The following PWWP2A variants were observed in gnomAD, a reference collection of about 807,000 sequenced individuals.
PWWP2A encodes the protein PWWP domain-containing protein 2A.
Under a neutral mutation model 48.5 loss-of-function variants are expected in PWWP2A, and 18 were observed. The ratio of observed to expected loss-of-function variants is 0.37; its 90% CI spans 0.26 to 0.55. PWWP2A has a LOEUF of 0.55. Among genes scored for constraint, PWWP2A ranks in the 20% least tolerant of loss-of-function variants. The pLI is 0.81. For missense variants in PWWP2A, 867 were observed against 976.4 expected, an observed-to-expected ratio of 0.89 and a Z score of 1.49; for synonymous variants, 396 against 387.7, an observed-to-expected ratio of 1.02 and a Z score of -0.25.
At chr5:160,049,144 A>G in the PWWP2A span, among the ~76,000 whole-genome samples, 2 of 152,236 alleles carry the variant, frequency 1.3e-5, no homozygotes, top group African/African-American at 4.8e-5. Context: ...TGGTTTTTAC[A>G]GTTTTAAATC....
Position 160,093,242 on chromosome 5 carries a change from G to A in PWWP2A, c.1408C>T (p.Leu470Phe), listed in dbSNP as rs1381890691. 6.2e-7 allele frequency: 1 copy of A among 1,614,016 alleles called. No homozygotes were observed. Among genetic ancestry groups the A allele is most frequent in the Admixed American group, 1.7e-5 (1 of 60,020 alleles). ...GGTTTTAAACGAACCCGGGGTGGAA[G>A]GGAACCTGAGCTAGGATTCTGATAT... ...RRYQNPSSGSLPPRVRLKPQR... is the reference protein window; with the variant it reads ...RRYQNPSSGSFPPRVRLKPQR... The change falls in exon 2 of 2, where the codon CTT becomes TTT. Residue 470 changes from leucine (L) to phenylalanine (F), a missense_variant. Leu to Phe is a conservative substitution (Grantham distance 22). This residue lies in a region of PWWP2A where 382 missense variants were observed against 407.2 expected (regional missense o/e 0.94). Coordinates refer to ENST00000307063, the MANE Select transcript of PWWP2A (RefSeq NM_001130864.2). This position sits in a 1 kb window ranked among gnomAD's most constrained non-coding sequence, Gnocchi z 5.8.
downstream of PWWP2A, chr5:160,089,937 C>T (rs558800188): frequency 9.4e-5 from 93 of 985,184 alleles, no homozygotes; most frequent in Non-Finnish European, 1.1e-4. Flanking sequence ...TTATCTAAGA[C>T]ATTTCCATTG....
downstream of PWWP2A, chr5:160,090,874 T>C: frequency 1.0e-6 from 1 of 984,826 alleles, no homozygotes; most frequent in Non-Finnish European, 1.2e-6. Context: ...TATTTCTCAC[T>C]ACTAATACAA....
downstream of PWWP2A, among the ~76,000 whole-genome samples, chr5:160,073,053 G>T (rs1379928769): frequency 1.3e-5 from 2 of 148,194 alleles, no homozygotes; most frequent in Middle Eastern, 3.2e-3. Context: ...CTCCCCAGGG[G>T]TTTCGGCCTT....
chr5:160,080,200 CAT>C (rs766428112), intron 3 of PWWP2A, among the ~76,000 whole-genome samples: 9 of 152,268 alleles, frequency 5.9e-5, no homozygotes, highest in Admixed American at 1.3e-4. Flanking sequence ...TATATATACA[CAT>C]ATGTGTTCAC....
chr5:160,048,099 G>GA, the PWWP2A span, among the ~76,000 whole-genome samples: 2 of 92,616 alleles, frequency 2.2e-5, no homozygotes, highest in East Asian at 3.3e-4. Context: ...TATGAGAAAA[G>GA]AAAAAAGTTC....
intron 1 of PWWP2A, among the ~76,000 whole-genome samples, chr5:160,110,699 T>G (rs1757470422): frequency 6.6e-6 from 1 of 150,688 alleles, no homozygotes; most frequent in African/African-American, 2.4e-5. Flanking sequence ...AGAGCGAAAC[T>G]CCACCTCAAA....
chr5:160,103,492 AG>A (rs1363363562), intron 1 of PWWP2A, among the ~76,000 whole-genome samples: 5 of 152,168 alleles, frequency 3.3e-5, no homozygotes, highest in Non-Finnish European at 7.4e-5. Context: ...ACACAGCTTC[AG>A]TAGGTGAGAC....
chr5:160,114,856 T>C (rs1231249693), intron 1 of PWWP2A, among the ~76,000 whole-genome samples: 1 of 148,484 alleles, frequency 6.7e-6, no homozygotes, highest in East Asian at 2.0e-4. Context: ...ATTAGCCAGG[T>C]GTGGCCGAGT....
intron 1 of PWWP2A, among the ~76,000 whole-genome samples, chr5:160,099,568 C>T (rs1030427335): frequency 2.6e-5 from 4 of 152,060 alleles, no homozygotes; most frequent in African/African-American, 7.2e-5. Context: ...CTCAAGCAAT[C>T]GGCCTGCCTT....
rs146509450 is a variant in PWWP2A, at chr5:160,092,910, A to G, written c.1740T>C (p.Ala580=). ...CTGTGCTATCAATGCTACACACTGA[A>G]GCACTGGAAGAGTCAGATTTCTTTT... The part of the protein sequence containing the change: ...LNQKKSDSSS[A]SVCSIDSTDD... The change falls in exon 2 of 2, where the codon GCT becomes GCC. Residue 580 remains alanine, a synonymous_variant. Coordinates refer to ENST00000307063, the MANE Select transcript of PWWP2A (RefSeq NM_001130864.2). 1,703 of 1,551,730 alleles carry G rather than the reference A, an allele frequency of 1.1e-3. 16 individuals are homozygous for G. The East Asian group carries it at 0.012, about 11-fold the overall frequency.
chr5:160,119,410 C>T lies in PWWP2A; in HGVS notation c.-22G>A. On this transcript the variant is annotated 5_prime_UTR_variant, in exon 1 of 2. Coordinates refer to ENST00000307063, the MANE Select transcript of PWWP2A (RefSeq NM_001130864.2). ...CCATTTTCTTCCTAGCTTCTCCCTC[C>T]TCCAACTCCGGCTGCAGCGGCGGCG... The T allele has an allele frequency of 7.4e-7, 1 of 1,359,606 alleles. No homozygotes were observed. Among genetic ancestry groups the T allele is most frequent in the East Asian group, 3.1e-5 (1 of 32,220 alleles). 84.2% of individuals were successfully genotyped at this position (1,359,606 alleles called of 1,614,324 possible). A position where few individuals can be genotyped will look rare whatever the true frequency, so the allele number is the denominator to read the frequency against.
rs368972052 is a variant in PWWP2A at position 160,084,529 on chromosome 5, A to G, written c.1550-3759T>C. ...CAGCAGCCTCAGCCTCCCAGGCTAA[A>G]GTGGTCCTCCCACCTCAGCCTCCCA... is the stretch of plus-strand genomic sequence containing the variant. On this transcript the variant is annotated intron_variant, in intron 2 of 3. Coordinates refer to the PWWP2A transcript ENST00000456329. 3.9e-5 allele frequency among the ~76,000 whole-genome samples: 6 copies of G among 152,258 alleles called. No homozygotes were observed. The South Asian group carries it at 6.2e-4, about 16-fold the overall frequency.
the PWWP2A span, among the ~76,000 whole-genome samples, chr5:160,044,581 A>T: frequency 6.6e-6 from 1 of 152,030 alleles, no homozygotes; most frequent in Admixed American, 6.6e-5. Context: ...GCTGGTGGGG[A>T]TGTCTTTTAG....
At chr5:160,090,005 G>A, downstream of PWWP2A, 1 of 985,192 alleles carries the variant, frequency 1.0e-6, no homozygotes, top group Non-Finnish European at 1.2e-6. Flanking sequence ...TAAGATTAGA[G>A]AGATTCTTTA....
rs2113526883 is a variant in PWWP2A, at chr5:160,092,339, C to T, written c.*43G>A. 1 of 1,479,694 alleles carries T rather than the reference C, an allele frequency of 6.8e-7. No homozygotes were observed. Among genetic ancestry groups the T allele is most frequent in the Non-Finnish European group, 9.0e-7 (1 of 1,114,774 alleles). 91.7% of individuals were successfully genotyped at this position (1,479,694 alleles called of 1,614,324 possible). A position where few individuals can be genotyped will look rare whatever the true frequency, so the allele number is the denominator to read the frequency against. ...ATTATTCCTAACTAGACTAGAAAAT[C>T]TGTGGTGACTTCCAATGGTCTTGCC... On this transcript the variant is annotated 3_prime_UTR_variant, in exon 2 of 2. Transcript: ENST00000307063.
At chr5:160,072,142 A>G (rs1029873408), downstream of PWWP2A, among the ~76,000 whole-genome samples, 23 of 152,192 alleles carry the variant, frequency 1.5e-4, no homozygotes, top group South Asian at 6.2e-4. Flanking sequence ...GAACTGCACA[A>G]TTAAAAGCTG....
Position 160,118,967 on chromosome 5 carries a change from G to C in PWWP2A, c.422C>G (p.Pro141Arg). Residue 141 changes from proline to arginine, a missense_variant, in exon 1 of 2, where the codon CCG becomes CGG. Pro to Arg is a moderately radical substitution (Grantham distance 103). Transcript: ENST00000307063. ...CCCGCCCGCCGGCGGCACGAGCGCC[G>C]GGGCTACGGGCTGAGGCAGCGGCGG... Reference protein sequence around the residue: ...EEPPLPQPVAPALVPPAGGDS... With the variant: ...EEPPLPQPVARALVPPAGGDS... 6.9e-6 allele frequency: 11 copies of C among 1,597,704 alleles called. No homozygotes were observed. The highest frequency in any genetic ancestry group is 9.4e-6 in the Non-Finnish European group (11 of 1,173,948).
At chr5:160,086,140 T>A (rs1754619897) in intron 2 of PWWP2A, among the ~76,000 whole-genome samples, 1 of 152,166 alleles carries the variant, frequency 6.6e-6, no homozygotes, top group Admixed American at 6.5e-5. Context: ...CACATTCTTA[T>A]GACACAAAGA....
Sources: gnomAD v4.1 joint callset for allele counts (sites outside exome capture counted in the v4.1 genomes callset) on GRCh38, gnomAD v4.1.1 for gene constraint, gnomAD v4.1.1 regional missense constraint, Gnocchi (gnomAD v3.1) non-coding constraint, MANE v1.5 for transcripts, NCBI Gene and HGNC (gene_info 2026-07-23, HGNC 2026-07-21) for gene names.